STRN4: variants seen among roughly 807,000 people sequenced by gnomAD.
STRN4 encodes the protein striatin-4.
In STRN4, 27 loss-of-function variants were observed where a neutral mutation model predicts 77.9. The ratio of observed to expected loss-of-function variants is 0.35; its 90% CI spans 0.26 to 0.48. STRN4 has a LOEUF of 0.48. STRN4 is among the 20% of genes least tolerant of loss of function. The pLI is 0.99. For missense variants in STRN4, 798 were observed against 1,049.7 expected (o/e 0.76, Z 3.31); for synonymous variants, 466 against 443.1 (o/e 1.05, Z -0.65).
chr19:46,738,729 G>C lies in STRN4; in HGVS notation c.386+56C>G. ...AAGGAGGCGTGGCTGGTGGCCTCCT[G>C]ACACTGTGCTTGAGACGGACCCAGA... On this transcript the variant is annotated intron_variant, in intron 2 of 17. Transcript: ENST00000263280. The surrounding 1 kb of genome is among the most constrained non-coding windows in gnomAD (Gnocchi z 4.5). 1 of 1,575,018 alleles carries C rather than the reference G, an allele frequency of 6.3e-7. No individual in the cohort carries two copies. The highest frequency in any genetic ancestry group is 1.3e-5 in the African/African-American group (1 of 74,242).
In STRN4 at chr19:46,724,935, G is replaced by C; in HGVS notation, c.1473-7C>G. On this transcript the variant is annotated splice_polypyrimidine_tract_variant and splice_region_variant and intron_variant, in intron 11 of 17. Coordinates refer to ENST00000263280, the MANE Select transcript of STRN4 (RefSeq NM_013403.3). ...CACAGCCAACACTGGGCCCCTGGAA[G>C]GGACAAATATGTGGAAAGGGGGATG... The C allele has an allele frequency of 6.2e-7, 1 of 1,613,874 alleles. No homozygotes were observed. The highest frequency in any genetic ancestry group is 8.5e-7 in the Non-Finnish European group (1 of 1,180,028).
rs2054028758 is a variant in STRN4, at chr19:46,723,394, C to T, written c.1595-110G>A. ...CCCAGGCAGCTGGGCTCCAATCACC[C>T]ACGCACCCACTTCACACCTGGTGCC... On this transcript the variant is annotated intron_variant, in intron 12 of 17. Transcript: ENST00000263280. The surrounding 1 kb of genome is among the most constrained non-coding windows in gnomAD (Gnocchi z 5.5). The T allele has an allele frequency of 7.4e-7, 1 of 1,349,330 alleles. No individual in the cohort carries two copies. The highest frequency in any genetic ancestry group is 2.6e-5 in the Admixed American group (1 of 38,132). 83.6% of individuals were successfully genotyped at this position (1,349,330 alleles called of 1,614,324 possible).
At chr19:46,729,049 GAA>G (rs2054189765) in intron 6 of STRN4, among the ~76,000 whole-genome samples, 2 of 152,244 alleles carry the variant, frequency 1.3e-5, no homozygotes, top group Non-Finnish European at 2.9e-5. Context: ...CTCGGATGAA[GAA>G]AAGTCAGATA....
chr19:46,735,024 G>A lies in STRN4; in HGVS notation c.540-1788C>T, dbSNP rs562598252. ...CAGCTTTTATAAAATATATAAGCTGGGCTGGGCGCGGTGGCTCACACCTGT... is the reference window on the plus strand; with the variant it reads ...CAGCTTTTATAAAATATATAAGCTGAGCTGGGCGCGGTGGCTCACACCTGT... On this transcript the variant is annotated intron_variant, in intron 4 of 17. Coordinates refer to ENST00000263280, the MANE Select transcript of STRN4 (RefSeq NM_013403.3). Among the ~76,000 whole-genome samples the A allele has an allele frequency of 8.1e-4, 124 of 152,226 alleles. 1 individual carries two copies. The highest frequency in any genetic ancestry group is 1.2e-3 in the Non-Finnish European group (80 of 68,016).
At chr19:46,742,723 C>G (rs1211340338) in intron 1 of STRN4, among the ~76,000 whole-genome samples, 1 of 152,064 alleles carries the variant, frequency 6.6e-6, no homozygotes, top group Non-Finnish European at 1.5e-5. Flanking sequence ...CCACCACGCC[C>G]GACTAATTTC....
Position 46,725,453 on chromosome 19 carries a change from T to C in STRN4, c.1424+20A>G, listed in dbSNP as rs767802728. ...GTCCCCAGATGCCCCTGCCCCCGGC[T>C]CTGAGCTTGCTGCCCTCACTTCTTG... On this transcript the variant is annotated intron_variant, in intron 10 of 17. Coordinates refer to ENST00000263280, the MANE Select transcript of STRN4 (RefSeq NM_013403.3). 7 of 1,613,522 alleles carry C rather than the reference T, an allele frequency of 4.3e-6. No homozygotes were observed. The highest frequency in any genetic ancestry group is 1.7e-4 in the Middle Eastern group (1 of 6,058).
intron 1 of STRN4, chr19:46,740,243 C>T (rs1191665770): frequency 2.0e-5 from 3 of 152,032 alleles, no homozygotes; most frequent in Non-Finnish European, 4.4e-5. Context: ...GGGCCAAGAT[C>T]GTGCCACTGC....
In STRN4 at chr19:46,729,418, A is replaced by G. The variant is rs117800790; in HGVS notation, c.880-641T>C. ...CCAGGGCGTGGCTGACCCCTTCCAC[A>G]TGTCAGCCCCCCAGGCTGAGTTTGG... On this transcript the variant is annotated intron_variant, in intron 6 of 17. Transcript: ENST00000263280. Among the ~76,000 whole-genome samples, 417 of 152,080 alleles carry G rather than the reference A, an allele frequency of 2.7e-3. 8 individuals are homozygous for G. In the East Asian group the frequency reaches 0.069, roughly 25 times the overall value.
chr19:46,740,349 C>T (rs1022448899), intron 1 of STRN4: 9 of 152,112 alleles, frequency 5.9e-5, no homozygotes, highest in African/African-American at 1.7e-4. Flanking sequence ...CATCTGTCCG[C>T]TTCAAGAATG....
intron 3 of STRN4, among the ~76,000 whole-genome samples, chr19:46,737,955 C>T (rs959449313): frequency 2.4e-4 from 37 of 152,048 alleles, no homozygotes; most frequent in African/African-American, 8.2e-4. Flanking sequence ...CAGGGGGACC[C>T]AAGCGGGACT....
chr19:46,728,887 G>A, intron 6 of STRN4, 110 bp from the exon 7 acceptor site: 2 of 1,475,226 alleles, frequency 1.4e-6, no homozygotes, highest in East Asian at 2.3e-5. Context: ...TTCTGTTCAT[G>A]GGGCTGCCTC....
rs569548107 is a variant in STRN4, at chr19:46,721,016, C to T, written c.2093-245G>A. 15 of 399,096 alleles carry T rather than the reference C, an allele frequency of 3.8e-5. 1 individual carries two copies. Among genetic ancestry groups the T allele is most frequent in the South Asian group, 2.7e-4 (3 of 11,236 alleles). The allele number at this position is 399,096 out of a possible 1,614,324, so 24.7% of individuals were successfully genotyped here. ...TACTGCACACTGAGCCCCAGGGCGG[C>T]AGGGGCAGTGAACAAAACAGGCAAC... On this transcript the variant is annotated intron_variant, in intron 16 of 17. Coordinates refer to ENST00000263280, the MANE Select transcript of STRN4 (RefSeq NM_013403.3).
At chr19:46,745,021 T>C (rs2054550957) in intron 1 of STRN4, among the ~76,000 whole-genome samples, 2 of 150,956 alleles carry the variant, frequency 1.3e-5, no homozygotes, top group African/African-American at 2.4e-5. Flanking sequence ...CACAAACATA[T>C]CCCCTTCCCC....
rs545768189 is a variant in STRN4, at chr19:46,738,473, C to T, written c.387-236G>A. 6.6e-6 allele frequency among the ~76,000 whole-genome samples: 1 copy of T among 152,260 alleles called. No individual in the cohort carries two copies. The highest frequency in any genetic ancestry group is 1.9e-4 in the East Asian group (1 of 5,176). ...AGGAAACCATCAGCCCTTGAAACCC[C>T]AGTTCCTTATCTGAAACAGGGCTAA... On this transcript the variant is annotated intron_variant, in intron 2 of 17. Transcript: ENST00000263280. This position sits in a 1 kb window ranked among gnomAD's most constrained non-coding sequence, Gnocchi z 4.5.
In STRN4 at chr19:46,741,410, T is replaced by C. The variant is rs2054471089; in HGVS notation, c.283-2522A>G. On this transcript the variant is annotated intron_variant, in intron 1 of 17. Coordinates refer to ENST00000263280, the MANE Select transcript of STRN4 (RefSeq NM_013403.3). The surrounding 1 kb of genome is among the most constrained non-coding windows in gnomAD (Gnocchi z 4.9). ...GTCTCAGCTGCCCACTCTGCTTTGC[T>C]GTCCCTTTCCCAGTGCCTCTGGAAA... is the stretch of plus-strand genomic sequence containing the variant. Among the ~76,000 whole-genome samples, 1 of 152,206 alleles carries C rather than the reference T, an allele frequency of 6.6e-6. No homozygotes were observed. Among genetic ancestry groups the C allele is most frequent in the South Asian group, 2.1e-4 (1 of 4,830 alleles).
rs368488029 is a variant in STRN4, at chr19:46,727,056, G to A, written c.1248+396C>T. On this transcript the variant is annotated intron_variant, in intron 9 of 17. Transcript: ENST00000263280. ...CACCCACACCAAAAGCTCCCAGCTG[G>A]CCAAAGGCTCCCAGCTGGCCAAAGG... Among the ~76,000 whole-genome samples, 34 of 150,908 alleles carry A rather than the reference G, an allele frequency of 2.3e-4. 2 individuals carry two copies. The East Asian group carries it at 3.7e-3, about 16-fold the overall frequency.
At position 46,739,034 on chromosome 19, in the gene STRN4, G is replaced by A. The variant is rs111961614; in HGVS notation, c.283-146C>T. Reference sequence around the variant, plus strand: ...ACTTCCTCAGGCACAAAGATCCCAAGCCAGGGTTCAGGGAGCACTGAGAGG... The same window carrying A: ...ACTTCCTCAGGCACAAAGATCCCAAACCAGGGTTCAGGGAGCACTGAGAGG... On this transcript the variant is annotated intron_variant, in intron 1 of 17. Transcript: ENST00000263280. The A allele has an allele frequency of 7.1e-5, 50 of 699,400 alleles. No individual in the cohort carries two copies. The African/African-American group carries it at 7.4e-4, about 10-fold the overall frequency. The allele number at this position is 699,400 out of a possible 1,614,324, so 43.3% of individuals were successfully genotyped here.
intron 6 of STRN4, 23 bp from the exon 7 acceptor site, chr19:46,728,800 C>T (rs958836967): frequency 6.2e-7 from 1 of 1,613,030 alleles, no homozygotes; most frequent in Non-Finnish European, 8.5e-7. Flanking sequence ...GAAAGCCAGA[C>T]AAGTCAGGGG....
rs1369086445 is a variant in STRN4, at chr19:46,719,759, G to C, written c.*646C>G. On this transcript the variant is annotated 3_prime_UTR_variant, in exon 18 of 18. Coordinates refer to ENST00000263280, the MANE Select transcript of STRN4 (RefSeq NM_013403.3). ...TACAGATATACAGGGAGTTCAGGGG[G>C]ACCCGAGGCCCACTCCACCCTCCAT... 6.6e-6 allele frequency: 1 copy of C among 152,396 alleles called. No individual in the cohort carries two copies. Among genetic ancestry groups the C allele is most frequent in the Non-Finnish European group, 1.5e-5 (1 of 68,026 alleles). The allele number at this position is 152,396 out of a possible 1,614,324, so 9.4% of individuals were successfully genotyped here. A position where few individuals can be genotyped will look rare whatever the true frequency, so the allele number is the denominator to read the frequency against.
Sources: allele counts gnomAD v4.1 joint callset (sites outside exome capture counted in the v4.1 genomes callset), GRCh38; gene constraint gnomAD v4.1.1; non-coding constraint Gnocchi (gnomAD v3.1); transcripts MANE v1.5; gene names NCBI Gene and HGNC (gene_info 2026-07-23, HGNC 2026-07-21).